The following UBR2 variants were observed in gnomAD, a reference collection of about 807,000 sequenced individuals.
The protein encoded by UBR2 is E3 ubiquitin-protein ligase UBR2.
A neutral mutation model predicts 247.9 loss-of-function variants in UBR2; 92 were observed. That is an observed-to-expected ratio of 0.37 (90% CI 0.31 to 0.44). The LOEUF (loss-of-function observed/expected upper bound fraction) is 0.44, where lower values mean the gene tolerates loss of function less well. UBR2 is among the 20% of genes least tolerant of loss of function. The pLI, the probability that UBR2 is intolerant of heterozygous loss-of-function variation, is 1.00. For synonymous variants in UBR2, 672 were observed against 693.5 expected, an observed-to-expected ratio of 0.97 and a Z score of 0.49; for missense variants, 1,613 against 2,112.6, an observed-to-expected ratio of 0.76 and a Z score of 4.64.
At chr6:42,607,169 A>AT (rs1316056757) in intron 7 of UBR2, among the ~76,000 whole-genome samples, 2 of 149,594 alleles carry the variant, frequency 1.3e-5, no homozygotes, top group African/African-American at 4.9e-5. Flanking sequence ...TTAAAAAATA[A>AT]TTTTATCTTT....
chr6:42,638,110 A>C (rs1796217744), intron 15 of UBR2, among the ~76,000 whole-genome samples: 1 of 152,154 alleles, frequency 6.6e-6, no homozygotes, highest in South Asian at 2.1e-4. Flanking sequence ...AGAATTCACC[A>C]GTGAAGTCAT....
chr6:42,636,162 C>A (rs1406778477), intron 14 of UBR2, among the ~76,000 whole-genome samples: 1 of 144,368 alleles, frequency 6.9e-6, no homozygotes, highest in African/African-American at 2.5e-5. Context: ...GGGGCCTTGG[C>A]CATGGTTGTT....
At chr6:42,593,692 C>T (rs541504515) in intron 3 of UBR2, among the ~76,000 whole-genome samples, 9 of 152,088 alleles carry the variant, frequency 5.9e-5, no homozygotes, top group Non-Finnish European at 8.8e-5. Flanking sequence ...ATTACTTGTC[C>T]TTTCAAAGAG....
At chr6:42,580,894 G>A (rs1791844248) in intron 2 of UBR2, among the ~76,000 whole-genome samples, 1 of 151,946 alleles carries the variant, frequency 6.6e-6, no homozygotes, top group South Asian at 2.1e-4. Context: ...GTATTGTGAA[G>A]ATAGAGAACT....
intron 1 of UBR2, among the ~76,000 whole-genome samples, chr6:42,568,587 G>A (rs1441113380): frequency 3.3e-5 from 5 of 151,984 alleles, no homozygotes; most frequent in African/African-American, 7.3e-5. Context: ...AAAATTAGCC[G>A]GGCGTGGTGG....
intron 1 of UBR2, among the ~76,000 whole-genome samples, chr6:42,571,937 G>A (rs1791174634): frequency 6.6e-6 from 1 of 151,818 alleles, no homozygotes; most frequent in African/African-American, 2.4e-5. Flanking sequence ...TATAATTACT[G>A]AGCTTAAAGG....
At chr6:42,657,883 G>A (rs1261309970) in intron 26 of UBR2, 141 bp from the exon 27 acceptor site, 1 of 585,488 alleles carries the variant, frequency 1.7e-6, no homozygotes, top group East Asian at 2.8e-5. Flanking sequence ...AAGAAGTATT[G>A]AAAATCTCTA....
intron 13 of UBR2, 45 bp downstream of exon 13, chr6:42,632,949 C>CTTTTTTTTTTTT: frequency 2.2e-6 from 2 of 906,890 alleles, no homozygotes; most frequent in Non-Finnish European, 1.5e-6. Context: ...TTTTTTTTTT[C>CTTTTTTTTTTTT]TCTTTTCTCT....
intron 15 of UBR2, among the ~76,000 whole-genome samples, chr6:42,639,152 G>C (rs1165825118): frequency 6.6e-6 from 1 of 152,186 alleles, no homozygotes; most frequent in African/African-American, 2.4e-5. Flanking sequence ...AGTAAATGTT[G>C]AGAATAAGCT....
chr6:42,655,781 CTTAAT>C, intron 26 of UBR2, 58 bp downstream of exon 26: 1 of 1,000,712 alleles, frequency 1.0e-6, no homozygotes, highest in Non-Finnish European at 1.4e-6. Context: ...TAAGAAATCA[CTTAAT>C]AACCTCTTTT....
At chr6:42,645,346 TTTCCCA>T (rs2151961370) in intron 20 of UBR2, 114 bp from the exon 21 acceptor site, 1 of 951,646 alleles carries the variant, frequency 1.1e-6, no homozygotes, top group Non-Finnish European at 1.6e-6. Flanking sequence ...CAGTCATTAC[TTTCCCA>T]TTGCTCAGAC....
intron 44 of UBR2, among the ~76,000 whole-genome samples, chr6:42,686,697 G>A (rs547228712): frequency 1.7e-3 from 257 of 150,968 alleles, no homozygotes; most frequent in Non-Finnish European, 3.0e-3. Context: ...GCGGCTGGCC[G>A]GGTGGGAGCT....
At chr6:42,602,299 T>C (rs1208095791) in intron 4 of UBR2, among the ~76,000 whole-genome samples, 1 of 151,742 alleles carries the variant, frequency 6.6e-6, no homozygotes, top group Non-Finnish European at 1.5e-5. Context: ...GCCTCCTGGG[T>C]TCATGCCATT....
chr6:42,679,718 T>G lies in UBR2; in HGVS notation c.4610-6T>G, dbSNP rs1411389734. 2 of 1,600,290 alleles carry G rather than the reference T, an allele frequency of 1.2e-6. No homozygotes were observed. Among genetic ancestry groups the G allele is most frequent in the Non-Finnish European group, 1.7e-6 (2 of 1,167,976 alleles). On this transcript the variant is annotated splice_region_variant and splice_polypyrimidine_tract_variant and intron_variant, in intron 41 of 46. Coordinates refer to ENST00000372901, the MANE Select transcript of UBR2 (RefSeq NM_001363705.2). ...TATGCACTCTTTTCTTGTTCTTCAT[T>G]TGCAGTTCCTGGAACAAGCCATTTT...
intron 11 of UBR2, among the ~76,000 whole-genome samples, chr6:42,628,544 A>G: frequency 6.6e-6 from 1 of 152,078 alleles, no homozygotes; most frequent in East Asian, 1.9e-4. Context: ...CAACATGGTG[A>G]AACCCCGTCT....
chr6:42,624,146 T>C (rs1188811962), intron 11 of UBR2, among the ~76,000 whole-genome samples: 2 of 151,948 alleles, frequency 1.3e-5, no homozygotes, highest in Non-Finnish European at 2.9e-5. Context: ...TTGTTTTGTT[T>C]TGTTTGTTTT....
At chr6:42,623,828 G>A (rs550771069) in intron 11 of UBR2, among the ~76,000 whole-genome samples, 1 of 152,260 alleles carries the variant, frequency 6.6e-6, no homozygotes, top group African/African-American at 2.4e-5. Context: ...GTATGATCAA[G>A]TGGTTTTTTT....
intron 7 of UBR2, among the ~76,000 whole-genome samples, chr6:42,611,322 G>A (rs1249744911): frequency 2.0e-5 from 3 of 151,628 alleles, no homozygotes; most frequent in East Asian, 4.0e-4. Flanking sequence ...TTAGCCAAAC[G>A]TGGTGGCGCA....
intron 11 of UBR2, among the ~76,000 whole-genome samples, chr6:42,631,595 G>C (rs923809247): frequency 7.3e-5 from 11 of 151,612 alleles, no homozygotes; most frequent in Admixed American, 4.0e-4. Flanking sequence ...CATAAAACTG[G>C]AAACAACCCA....
Sources: gnomAD v4.1 joint callset for allele counts (sites outside exome capture counted in the v4.1 genomes callset) on GRCh38, gnomAD v4.1.1 for gene constraint, MANE v1.5 for transcripts, NCBI Gene and HGNC (gene_info 2026-07-23, HGNC 2026-07-21) for gene names.